The following OSBPL9 variants were observed in gnomAD, a reference collection of about 807,000 sequenced individuals.
The protein encoded by OSBPL9 is oxysterol-binding protein-related protein 9.
OSBPL9 carries 40 observed loss-of-function variants against 106.6 expected under a neutral mutation model. The observed-to-expected ratio is 0.38, with a 90% CI of 0.29 to 0.49. The LOEUF (loss-of-function observed/expected upper bound fraction) is 0.49, where lower values mean the gene tolerates loss of function less well. Ranked by LOEUF, OSBPL9 falls within the 20% of genes least tolerant of loss-of-function variation. The pLI, the probability that OSBPL9 is intolerant of heterozygous loss-of-function variation, is 0.97. For missense variants in OSBPL9, 609 were observed against 887.2 expected (o/e 0.69, Z 3.98); for synonymous variants, 269 against 295.4 (o/e 0.91, Z 0.92).
chr1:51,659,085 G>A (rs1646986716), intron 2 of OSBPL9, among the ~76,000 whole-genome samples: 1 of 152,058 alleles, frequency 6.6e-6, no homozygotes, highest in African/African-American at 2.4e-5. Flanking sequence ...AAAATTAAAT[G>A]AAAAAGAAAG....
chr1:51,639,438 C>T (rs755112087), intron 1 of OSBPL9, among the ~76,000 whole-genome samples: 17 of 152,166 alleles, frequency 1.1e-4, no homozygotes, highest in Non-Finnish European at 2.2e-4. Flanking sequence ...CATTTGTCCA[C>T]GTTCATTGTC....
At chr1:51,689,538 T>C (rs1654536124) in intron 3 of OSBPL9, among the ~76,000 whole-genome samples, 1 of 152,212 alleles carries the variant, frequency 6.6e-6, no homozygotes, top group African/African-American at 2.4e-5. Flanking sequence ...GTCATTCTTC[T>C]TTCTCTTTTC....
At chr1:51,626,454 A>G (rs1644772432) in intron 1 of OSBPL9, among the ~76,000 whole-genome samples, 1 of 152,072 alleles carries the variant, frequency 6.6e-6, no homozygotes, top group South Asian at 2.1e-4. Context: ...ATTATGCAGT[A>G]TAACAAACAG....
chr1:51,681,657 A>G (rs968773445), intron 3 of OSBPL9, among the ~76,000 whole-genome samples: 25 of 152,262 alleles, frequency 1.6e-4, no homozygotes, highest in African/African-American at 6.0e-4. Flanking sequence ...CATATGATCC[A>G]GCAATTCCAC....
intron 7 of OSBPL9, chr1:51,749,404 C>A: frequency 4.0e-6 from 1 of 251,504 alleles, no homozygotes; most frequent in South Asian, 4.0e-5. Flanking sequence ...CTTCGAACTC[C>A]TGGGCTCAGA....
chr1:51,675,990 T>C (rs1247857775), intron 3 of OSBPL9, among the ~76,000 whole-genome samples: 1 of 152,210 alleles, frequency 6.6e-6, no homozygotes, highest in Non-Finnish European at 1.5e-5. Context: ...ATACTATTAG[T>C]GTTTTTATTT....
intron 14 of OSBPL9, among the ~76,000 whole-genome samples, chr1:51,774,457 G>A (rs1674617864): frequency 1.3e-5 from 2 of 152,072 alleles, no homozygotes; most frequent in Non-Finnish European, 2.9e-5. Context: ...CCAAAGTATT[G>A]TTACAATAAT....
At chr1:51,689,959 T>TG (rs1654621673) in intron 3 of OSBPL9, among the ~76,000 whole-genome samples, 1 of 152,226 alleles carries the variant, frequency 6.6e-6, no homozygotes, top group Non-Finnish European at 1.5e-5. Context: ...TCCCTTTTTC[T>TG]GGATTCTTTT....
chr1:51,776,225 C>T (rs1042757295), intron 14 of OSBPL9, among the ~76,000 whole-genome samples: 73 of 152,042 alleles, frequency 4.8e-4, no homozygotes, highest in African/African-American at 1.6e-3. Flanking sequence ...GTAGTGAGAG[C>T]GCGAGTGTGA....
At chr1:51,632,125 A>G (rs1324388459) in intron 1 of OSBPL9, among the ~76,000 whole-genome samples, 1 of 152,200 alleles carries the variant, frequency 6.6e-6, no homozygotes, top group African/African-American at 2.4e-5. Context: ...GTATATATAA[A>G]TAGAAGGCAT....
chr1:51,613,553 T>C (rs72896006), upstream of OSBPL9, among the ~76,000 whole-genome samples: 20,263 of 152,174 alleles, frequency 0.13, 1,495 homozygotes, highest in Middle Eastern at 0.23. Context: ...ATAAGATATA[T>C]AACATTCCTG....
intron 1 of OSBPL9, among the ~76,000 whole-genome samples, chr1:51,647,341 A>G (rs1490068286): frequency 6.6e-6 from 1 of 151,984 alleles, no homozygotes; most frequent in Non-Finnish European, 1.5e-5. Context: ...TTTTGTTGAG[A>G]ATTTGTCCAT....
chr1:51,610,406 G>A (rs189989231), intron 2 of OSBPL9, among the ~76,000 whole-genome samples: 3 of 152,152 alleles, frequency 2.0e-5, no homozygotes, highest in African/African-American at 4.8e-5. Flanking sequence ...GATTATAGGC[G>A]TGCACCACCA....
At chr1:51,635,987 A>G (rs114597913) in intron 1 of OSBPL9, among the ~76,000 whole-genome samples, 4,341 of 152,102 alleles carry the variant, frequency 0.029, 195 homozygotes, top group African/African-American at 0.097. Flanking sequence ...TTGTTGTACT[A>G]TAGATATATT....
At chr1:51,616,101 G>A (rs2148608764), upstream of OSBPL9, among the ~76,000 whole-genome samples, 1 of 146,582 alleles carries the variant, frequency 6.8e-6, no homozygotes, top group Middle Eastern at 3.6e-3. Flanking sequence ...AGGTTCAAGT[G>A]ATTCTTGTGC....
the OSBPL9 span, among the ~76,000 whole-genome samples, chr1:51,562,398 C>T: frequency 1.3e-5 from 2 of 152,206 alleles, no homozygotes; most frequent in African/African-American, 4.8e-5. Flanking sequence ...TCCCCAGAAG[C>T]TGATGCTGCC....
the OSBPL9 span, among the ~76,000 whole-genome samples, chr1:51,539,214 G>A: frequency 6.6e-6 from 1 of 152,062 alleles, no homozygotes; most frequent in Admixed American, 6.6e-5. Flanking sequence ...TAATTTCCCT[G>A]CCAAACCTGC....
rs77172317 is a variant in OSBPL9 at position 51,749,549 on chromosome 1, G to A, written c.493-596G>A. ...CTAGGCTGGTCTCCTAGCCTCAAGC[G>A]ATCCTCCTTCCTTGGCCTACCAAAG... On this transcript the variant is annotated intron_variant, in intron 7 of 23. Coordinates refer to ENST00000428468, the MANE Select transcript of OSBPL9 (RefSeq NM_024586.6). The A allele has an allele frequency of 5.9e-4, 243 of 408,570 alleles. 1 individual carries two copies. The highest frequency in any genetic ancestry group is 4.7e-3 in the African/African-American group (232 of 49,592). 25.3% of individuals were successfully genotyped at this position (408,570 alleles called of 1,614,324 possible).
intron 4 of OSBPL9, among the ~76,000 whole-genome samples, chr1:51,719,917 C>T (rs764897890): frequency 6.6e-6 from 1 of 152,184 alleles, no homozygotes; most frequent in Non-Finnish European, 1.5e-5. Flanking sequence ...TGGTACTCAT[C>T]GTTAGGGTAT....
Sources: gnomAD v4.1 joint callset for allele counts (sites outside exome capture counted in the v4.1 genomes callset) on GRCh38, gnomAD v4.1.1 for gene constraint, MANE v1.5 for transcripts, NCBI Gene and HGNC (gene_info 2026-07-23, HGNC 2026-07-21) for gene names.